The following CDH13 variants were observed in gnomAD, a reference collection of about 807,000 sequenced individuals.
The protein encoded by CDH13 is cadherin-13.
In CDH13, 24 loss-of-function variants were observed where a neutral mutation model predicts 63.8. The observed-to-expected ratio is 0.38, with a 90% CI of 0.27 to 0.53. The LOEUF is 0.53. Among genes scored for constraint, CDH13 ranks in the 20% least tolerant of loss-of-function variants. The pLI is 0.85. For synonymous variants in CDH13, 503 were observed against 355.3 expected (o/e 1.42, Z -4.67); for missense variants, 1,049 against 903.1 (o/e 1.16, Z -2.07).
At chr16:83,080,415 G>C (rs1364578668) in intron 3 of CDH13, among the ~76,000 whole-genome samples, 1 of 152,174 alleles carries the variant, frequency 6.6e-6, no homozygotes, top group Non-Finnish European at 1.5e-5. Context: ...AATAAGAATA[G>C]GGATTTCAAC....
intron 1 of CDH13, among the ~76,000 whole-genome samples, chr16:82,706,170 G>C (rs775585548): frequency 1.4e-5 from 2 of 148,136 alleles, no homozygotes; most frequent in African/African-American, 5.0e-5. Flanking sequence ...TCCCTTTTTC[G>C]CTCCCTCTTT....
chr16:83,754,018 T>G (rs1329817989), intron 11 of CDH13, among the ~76,000 whole-genome samples: 3 of 151,662 alleles, frequency 2.0e-5, no homozygotes, highest in Non-Finnish European at 4.4e-5. Flanking sequence ...GCAGAGAGCC[T>G]AGGATGGAGG....
rs772486096 is a variant in CDH13 at position 83,344,901 on chromosome 16, G to A, written c.676G>A (p.Glu226Lys). 12 of 1,613,828 alleles carry A rather than the reference G, an allele frequency of 7.4e-6. No individual in the cohort carries two copies. The highest frequency in any genetic ancestry group is 6.7e-5 in the East Asian group (3 of 44,890). ...ETTDVNGKTL[E>K]GPVPLEVIVI... ...CACTGATGTCAATGGCAAAACTCTC[G>A]AGGGGCCGGTGCCTCTGGAAGTCAT... The change falls in exon 6 of 14, where the codon GAG becomes AAG. Residue 226 changes from glutamate (E) to lysine (K), a missense_variant. Transcript: ENST00000567109.
chr16:82,910,589 A>C (rs765634383), intron 2 of CDH13, among the ~76,000 whole-genome samples: 1 of 152,058 alleles, frequency 6.6e-6, no homozygotes, highest in Non-Finnish European at 1.5e-5. Flanking sequence ...CTCTAGTCTC[A>C]AGGCTAATCC....
chr16:83,354,240 G>A (rs913838059), intron 6 of CDH13, among the ~76,000 whole-genome samples: 13 of 152,218 alleles, frequency 8.5e-5, no homozygotes, highest in African/African-American at 3.1e-4. Context: ...GATACCAAAG[G>A]ATCCACTGTG....
At position 83,797,791 on chromosome 16, in the gene CDH13, C is replaced by T. The variant is rs538956053; in HGVS notation, c.*2761C>T. 8 of 152,160 alleles carry T rather than the reference C, an allele frequency of 5.3e-5. No individual in the cohort carries two copies. The highest frequency in any genetic ancestry group is 1.2e-4 in the Non-Finnish European group (8 of 68,036). 9.4% of individuals were successfully genotyped at this position (152,160 alleles called of 1,614,324 possible). A position where few individuals can be genotyped will look rare whatever the true frequency, so the allele number is the denominator to read the frequency against. On this transcript the variant is annotated 3_prime_UTR_variant, in exon 14 of 14. Coordinates refer to ENST00000567109, the MANE Select transcript of CDH13 (RefSeq NM_001257.5). ...ATTTCCACTGAGCAAATAGTCACAC[C>T]TTCACTTCTTTTTATTAATACTCAA...
At position 83,153,800 on chromosome 16, in the gene CDH13, C is replaced by G. The variant is rs1316211307; in HGVS notation, c.483+28299C>G. Among the ~76,000 whole-genome samples the G allele has an allele frequency of 2.0e-5, 3 of 152,290 alleles. No individual in the cohort carries two copies. The South Asian group carries it at 6.2e-4, about 32-fold the overall frequency. Reference sequence around the variant, plus strand: ...ATGAGACAGGAAATGTCTGTTTAAGCCACTCACTTTGTGGCATTTCGGTTT... The same window carrying G: ...ATGAGACAGGAAATGTCTGTTTAAGGCACTCACTTTGTGGCATTTCGGTTT... On this transcript the variant is annotated intron_variant, in intron 4 of 13. Transcript: ENST00000567109.
At chr16:82,629,124 C>T (rs1907704068) in intron 1 of CDH13, among the ~76,000 whole-genome samples, 1 of 152,176 alleles carries the variant, frequency 6.6e-6, no homozygotes, top group Non-Finnish European at 1.5e-5. Flanking sequence ...CAAGACAGAC[C>T]ACGTGACAGG....
intron 5 of CDH13, among the ~76,000 whole-genome samples, chr16:83,306,908 C>T (rs763701955): frequency 6.6e-6 from 1 of 152,150 alleles, no homozygotes; most frequent in Non-Finnish European, 1.5e-5. Flanking sequence ...GACAATCAGA[C>T]CTATCCGTAA....
chr16:83,454,902 G>T (rs1289339789), intron 6 of CDH13, among the ~76,000 whole-genome samples: 1 of 151,938 alleles, frequency 6.6e-6, no homozygotes, highest in Non-Finnish European at 1.5e-5. Context: ...AGAGAATGGG[G>T]TTTCACCATG....
chr16:83,097,777 C>A (rs2034280279), intron 3 of CDH13, among the ~76,000 whole-genome samples: 1 of 152,074 alleles, frequency 6.6e-6, no homozygotes, highest in Non-Finnish European at 1.5e-5. Context: ...GATTCCAGTA[C>A]AAAAAGGAAA....
At chr16:83,084,989 A>C (rs559659487) in intron 3 of CDH13, among the ~76,000 whole-genome samples, 1 of 152,340 alleles carries the variant, frequency 6.6e-6, no homozygotes, top group South Asian at 2.1e-4. Flanking sequence ...CAACAGTGCT[A>C]TGAGAAATTC....
chr16:83,312,098 G>C (rs953452177), intron 5 of CDH13, among the ~76,000 whole-genome samples: 1 of 150,076 alleles, frequency 6.7e-6, no homozygotes, highest in Admixed American at 6.6e-5. Flanking sequence ...AATCTTGGGA[G>C]ACAGTGTGCC....
chr16:82,731,954 C>T (rs982328110), intron 1 of CDH13, among the ~76,000 whole-genome samples: 5 of 152,162 alleles, frequency 3.3e-5, no homozygotes, highest in African/African-American at 1.2e-4. Flanking sequence ...GGTTCCTCCA[C>T]CTGAAACAAT....
chr16:83,287,600 C>T (rs148688316), intron 5 of CDH13, among the ~76,000 whole-genome samples: 2,166 of 152,238 alleles, frequency 0.014, 48 homozygotes, highest in African/African-American at 0.046. Flanking sequence ...CCATCACCCC[C>T]GGATGGGTCC....
Position 83,604,281 on chromosome 16 carries a change from T to C in CDH13, c.1101+1687T>C, listed in dbSNP as rs148464587. ...ATTTGCTCCATTCTCTGACTTCCCA[T>C]GGCAGGGTTCCTCTAGCTGCTAATA... On this transcript the variant is annotated intron_variant, in intron 8 of 13. Transcript: ENST00000567109. Among the ~76,000 whole-genome samples the C allele has an allele frequency of 3.0e-3, 461 of 152,272 alleles. 3 individuals carry two copies. Among genetic ancestry groups the C allele is most frequent in the African/African-American group, 0.011 (445 of 41,554 alleles).
chr16:83,594,702 C>G (rs1250072675), intron 7 of CDH13, among the ~76,000 whole-genome samples: 1 of 152,194 alleles, frequency 6.6e-6, no homozygotes, highest in Non-Finnish European at 1.5e-5. Context: ...AAACCTTTTT[C>G]CACATCACAT....
chr16:83,078,327 T>C (rs2032999496), intron 3 of CDH13, among the ~76,000 whole-genome samples: 1 of 152,198 alleles, frequency 6.6e-6, no homozygotes, highest in Non-Finnish European at 1.5e-5. Flanking sequence ...AGGCAATTTT[T>C]CCACATATTG....
Position 82,950,264 on chromosome 16 carries a change from C to A in CDH13, c.158-81746C>A, listed in dbSNP as rs1347130476. On this transcript the variant is annotated intron_variant, in intron 2 of 13. Transcript: ENST00000567109. Reference sequence around the variant, plus strand: ...TAGCTTATAGCCGCATCATCCCAATCTCAACCTTCCCTTTGCATGCCAGTC... The same window carrying A: ...TAGCTTATAGCCGCATCATCCCAATATCAACCTTCCCTTTGCATGCCAGTC... Among the ~76,000 whole-genome samples the A allele has an allele frequency of 2.0e-5, 3 of 152,138 alleles. No homozygotes were observed. In the East Asian group the frequency reaches 5.8e-4, roughly 29 times the overall value.
Sources: gnomAD v4.1 joint callset for allele counts (sites outside exome capture counted in the v4.1 genomes callset) on GRCh38, gnomAD v4.1.1 for gene constraint, MANE v1.5 for transcripts, NCBI Gene and HGNC (gene_info 2026-07-23, HGNC 2026-07-21) for gene names.